GCG: variants seen among roughly 807,000 people sequenced by gnomAD.
The protein encoded by GCG is pro-glucagon.
Under a neutral mutation model 22.8 loss-of-function variants are expected in GCG, and 11 were observed. The observed-to-expected ratio is 0.48, with a 90% CI of 0.30 to 0.80. The LOEUF (loss-of-function observed/expected upper bound fraction) is 0.80, where lower values mean the gene tolerates loss of function less well. Ranked by LOEUF, GCG falls within the 30% of genes least tolerant of loss-of-function variation. The pLI, the probability that GCG is intolerant of heterozygous loss-of-function variation, is 0.06. For synonymous variants in GCG, 89 were observed against 72.4 expected (o/e 1.23, Z -1.16); for missense variants, 222 against 222.0 (o/e 1.00, Z 0.00).
chr2:162,143,350 G>T lies in GCG; in HGVS notation c.*14C>A. 8.2e-7 allele frequency: 1 copy of T among 1,226,692 alleles called. No homozygotes were observed. Among genetic ancestry groups the T allele is most frequent in the Non-Finnish European group, 1.1e-6 (1 of 873,374 alleles). 76.0% of individuals were successfully genotyped at this position (1,226,692 alleles called of 1,614,324 possible). On this transcript the variant is annotated 3_prime_UTR_variant, in exon 6 of 6. Transcript: ENST00000418842. ...CAGGTGATGTTGTGAAGATGATCTT[G>T]AATAGTGATATAGTTATTTCCTAGA...
At position 162,144,133 on chromosome 2, in the gene GCG, G is replaced by A. The variant is rs1279952120; in HGVS notation, c.430C>T (p.Arg144Cys). Reference protein sequence around the residue: ...EEVAIVEELGRRHADGSFSDE... With the variant: ...EEVAIVEELGCRHADGSFSDE... ...GAGAAAGAACCATCAGCATGTCTGCGGCCAAGTTCTTCAACAATGGCGACC... is the reference window on the plus strand; with the variant it reads ...GAGAAAGAACCATCAGCATGTCTGCAGCCAAGTTCTTCAACAATGGCGACC... The change falls in exon 5 of 6, where the codon CGC becomes TGC. Residue 144 changes from arginine (R) to cysteine (C), a missense_variant. Physicochemically the swap from Arg to Cys is radical, Grantham distance 180. Transcript: ENST00000418842. The A allele has an allele frequency of 3.7e-6, 6 of 1,611,554 alleles. No homozygotes were observed. The highest frequency in any genetic ancestry group is 5.1e-6 in the Non-Finnish European group (6 of 1,177,822).
chr2:162,150,527 T>G (rs1159287562), intron 1 of GCG, among the ~76,000 whole-genome samples: 1 of 152,128 alleles, frequency 6.6e-6, no homozygotes, highest in African/African-American at 2.4e-5. Context: ...ATATTCACCT[T>G]TCTTCATTCA....
intron 1 of GCG, among the ~76,000 whole-genome samples, chr2:162,150,196 T>C (rs1306305083): frequency 6.6e-6 from 1 of 152,140 alleles, no homozygotes; most frequent in Non-Finnish European, 1.5e-5. Context: ...AAGTCCGTCT[T>C]TGTCATGGAT....
intron 1 of GCG, 92 bp from the exon 2 acceptor site, chr2:162,149,279 T>C (rs1686775007): frequency 1.4e-6 from 1 of 695,980 alleles, no homozygotes; most frequent in South Asian, 1.8e-5. Context: ...ACTAGATAAA[T>C]ATCATAAGTA....
chr2:162,148,174 A>T (rs1256252490), intron 2 of GCG, among the ~76,000 whole-genome samples: 1 of 152,122 alleles, frequency 6.6e-6, no homozygotes, highest in African/African-American at 2.4e-5. Flanking sequence ...GGAGGATATT[A>T]TGAGGAGTAT....
intron 1 of GCG, among the ~76,000 whole-genome samples, chr2:162,150,626 T>A (rs1686810302): frequency 6.6e-6 from 1 of 152,174 alleles, no homozygotes; most frequent in Non-Finnish European, 1.5e-5. Context: ...ATTTAGGTAG[T>A]ATCTACTGAT....
chr2:162,143,935 T>A (rs371084684), intron 5 of GCG, 92 bp downstream of exon 5: 79 of 1,004,966 alleles, frequency 7.9e-5, no homozygotes, highest in Non-Finnish European at 1.1e-4. Context: ...GATTATAGAC[T>A]TTCCCCCTAC....
In GCG at chr2:162,152,244, C is replaced by T. The variant is rs1686858432; in HGVS notation, c.-96G>A. On this transcript the variant is annotated 5_prime_UTR_variant, in exon 1 of 6. Transcript: ENST00000418842. ...TTTGATGTGCTCTGTGTCCTAAGCTCTGTACTTCTGCACCAAGGCGCACTG... is the reference window on the plus strand; with the variant it reads ...TTTGATGTGCTCTGTGTCCTAAGCTTTGTACTTCTGCACCAAGGCGCACTG... 1 of 152,594 alleles carries T rather than the reference C, an allele frequency of 6.6e-6. No individual in the cohort carries two copies. Among genetic ancestry groups the T allele is most frequent in the Non-Finnish European group, 1.5e-5 (1 of 68,052 alleles). The allele number at this position is 152,594 out of a possible 1,614,324, so 9.5% of individuals were successfully genotyped here. A position where few individuals can be genotyped will look rare whatever the true frequency, so the allele number is the denominator to read the frequency against.
intron 3 of GCG, among the ~76,000 whole-genome samples, chr2:162,146,717 C>T (rs535215761): frequency 1.3e-5 from 2 of 152,078 alleles, no homozygotes; most frequent in Non-Finnish European, 2.9e-5. Context: ...TGTGAAATTC[C>T]ACCATCTCTG....
chr2:162,145,411 A>G (rs973633047), intron 4 of GCG, 129 bp downstream of exon 4: 26 of 795,538 alleles, frequency 3.3e-5, no homozygotes, highest in Non-Finnish European at 4.2e-5. Context: ...TTTTTCATCA[A>G]TAGGAATTAT....
intron 3 of GCG, 51 bp from the exon 4 acceptor site, chr2:162,145,728 G>A (rs995334430): frequency 3.2e-6 from 5 of 1,553,230 alleles, no homozygotes; most frequent in Non-Finnish European, 3.5e-6. Context: ...TGGCAATATG[G>A]TTCTCACCTA....
At chr2:162,143,879 C>T (rs767577325) in intron 5 of GCG, 148 bp downstream of exon 5, 16 of 688,802 alleles carry the variant, frequency 2.3e-5, no homozygotes, top group Non-Finnish European at 4.1e-5. Context: ...TAATGATGTA[C>T]TCTTATATGA....
Position 162,147,425 on chromosome 2 carries a change from T to C in GCG, c.182A>G (p.Asp61Gly), listed in dbSNP as rs762268859. ...KRHSQGTFTS[D>G]YSKYLDSRRA... ...CCTGGAGTCCAGATACTTGCTGTAG[T>C]CACTGGTGAATGTGCCCTGTGAATG... The change falls in exon 3 of 6, where the codon GAC (aspartate) becomes GGC (glycine). Residue 61 changes from aspartate to glycine, a missense_variant. Transcript: ENST00000418842. The C allele has an allele frequency of 6.2e-7, 1 of 1,613,274 alleles. No individual in the cohort carries two copies. Among genetic ancestry groups the C allele is most frequent in the Non-Finnish European group, 8.5e-7 (1 of 1,179,342 alleles).
intron 1 of GCG, among the ~76,000 whole-genome samples, chr2:162,151,085 T>C (rs551354585): frequency 6.6e-6 from 1 of 152,120 alleles, no homozygotes; most frequent in South Asian, 2.1e-4. Flanking sequence ...ATTTTAGTAT[T>C]AAAATCTTAT....
chr2:162,145,879 G>A (rs529879767), intron 3 of GCG, among the ~76,000 whole-genome samples: 5 of 152,028 alleles, frequency 3.3e-5, no homozygotes, highest in African/African-American at 4.8e-5. Flanking sequence ...AATAACAATC[G>A]GTGGGCTAAA....
chr2:162,146,306 T>C (rs1481941615), intron 3 of GCG, among the ~76,000 whole-genome samples: 1 of 152,134 alleles, frequency 6.6e-6, no homozygotes, highest in Non-Finnish European at 1.5e-5. Flanking sequence ...TGCTTGAGTG[T>C]GAGGATTGCT....
At chr2:162,151,803 T>C (rs895199665) in intron 1 of GCG, among the ~76,000 whole-genome samples, 1 of 152,182 alleles carries the variant, frequency 6.6e-6, no homozygotes, top group African/African-American at 2.4e-5. Flanking sequence ...CAAAGTAGTA[T>C]ACAGATCTAT....
chr2:162,149,489 A>G (rs1212525455), intron 1 of GCG, among the ~76,000 whole-genome samples: 1 of 152,136 alleles, frequency 6.6e-6, no homozygotes, highest in Non-Finnish European at 1.5e-5. Context: ...GGAAATTAAA[A>G]TGTCCACAAT....
At position 162,149,158 on chromosome 2, in the gene GCG, C is replaced by A. The variant is rs1488920160; in HGVS notation, c.21G>T (p.Val7=). Residue 7 remains valine, a synonymous_variant, in exon 2 of 6, where the codon GTG becomes GTT. Transcript: ENST00000418842. ...GTACCAGCATTACAAATAATCCAGC[C>A]ACAAAGTAAATGCTTTTCATTTCTG... MKSIYF[V]AGLFVMLVQG... The A allele has an allele frequency of 6.2e-7, 1 of 1,611,900 alleles. No individual in the cohort carries two copies. The highest frequency in any genetic ancestry group is 8.5e-7 in the Non-Finnish European group (1 of 1,178,588).
Sources: gnomAD v4.1 joint callset for allele counts (sites outside exome capture counted in the v4.1 genomes callset) on GRCh38, gnomAD v4.1.1 for gene constraint, MANE v1.5 for transcripts, NCBI Gene and HGNC (gene_info 2026-07-23, HGNC 2026-07-21) for gene names.